MIGA2: variants seen among roughly 807,000 people sequenced by gnomAD.
The protein encoded by MIGA2 is mitoguardin 2.
In MIGA2, 36 loss-of-function variants were observed where a neutral mutation model predicts 69.9. That is an observed-to-expected ratio of 0.52 (90% CI 0.39 to 0.68). MIGA2 has a LOEUF of 0.68. MIGA2 is among the 30% of genes least tolerant of loss of function. The pLI, the probability that MIGA2 is intolerant of heterozygous loss-of-function variation, is 0.00. For synonymous variants in MIGA2, 333 were observed against 349.2 expected (o/e 0.95, Z 0.52); for missense variants, 660 against 787.7 (o/e 0.84, Z 1.94).
chr9:129,059,033 G>A lies in MIGA2; in HGVS notation c.676-121G>A. 1.3e-6 allele frequency: 1 copy of A among 780,506 alleles called. No homozygotes were observed. The highest frequency in any genetic ancestry group is 2.1e-6 in the Non-Finnish European group (1 of 474,236). 48.3% of individuals were successfully genotyped at this position (780,506 alleles called of 1,614,324 possible). On this transcript the variant is annotated intron_variant, in intron 6 of 15. Transcript: ENST00000684074. This position sits in a 1 kb window ranked among gnomAD's most constrained non-coding sequence, Gnocchi z 5.6. ...CGAGCAGTGAAGTTTTGGAGTTTATGTGCTTAGCTGCTGGGTCCTAGAGCT... is the reference window on the plus strand; with the variant it reads ...CGAGCAGTGAAGTTTTGGAGTTTATATGCTTAGCTGCTGGGTCCTAGAGCT...
intron 1 of MIGA2, chr9:129,036,915 G>A: frequency 1.0e-6 from 1 of 1,000,422 alleles, no homozygotes; most frequent in South Asian, 4.7e-5. Flanking sequence ...GAACGTGGCG[G>A]GGATTGGAGC....
rs1180943494 is a variant in MIGA2 at position 129,069,971 on chromosome 9, C to T, written c.1575+6C>T. The T allele has an allele frequency of 2.5e-6, 4 of 1,588,802 alleles. No homozygotes were observed. Among genetic ancestry groups the T allele is most frequent in the East Asian group, 2.2e-5 (1 of 44,674 alleles). On this transcript the variant is annotated splice_donor_region_variant and intron_variant, in intron 15 of 15. Coordinates refer to ENST00000684074, the MANE Select transcript of MIGA2 (RefSeq NM_001329990.2). The surrounding 1 kb of genome is among the most constrained non-coding windows in gnomAD (Gnocchi z 4.9). Reference sequence around the variant, plus strand: ...AAGTCTGTGCTTTCTTCAAGGTAAACAGAGAGCAGTTCTCGTTCTTTCCTG... The same window carrying T: ...AAGTCTGTGCTTTCTTCAAGGTAAATAGAGAGCAGTTCTCGTTCTTTCCTG...
rs1846593945 is a variant in MIGA2, at chr9:129,070,146, G to A, written c.1576-101G>A. The stretch of plus-strand genomic sequence containing the variant: ...GAGGAGCCTGGGGATGGAAAGGACC[G>A]GCTGGGGCTCTGGTGGTGGACAAGG... On this transcript the variant is annotated intron_variant, in intron 15 of 15. Transcript: ENST00000684074. 4.1e-5 allele frequency: 57 copies of A among 1,406,294 alleles called. 1 individual carries two copies. The South Asian group carries it at 6.9e-4, about 17-fold the overall frequency. 87.1% of individuals were successfully genotyped at this position (1,406,294 alleles called of 1,614,324 possible). A position where few individuals can be genotyped will look rare whatever the true frequency, so the allele number is the denominator to read the frequency against.
chr9:129,043,481 G>C (rs1289426681), intron 3 of MIGA2, among the ~76,000 whole-genome samples: 1 of 150,080 alleles, frequency 6.7e-6, no homozygotes, highest in African/African-American at 2.5e-5. Context: ...CGGCCTCTTA[G>C]GTTCAAGAGA....
At chr9:129,065,983 G>A (rs1283780595) in intron 11 of MIGA2, among the ~76,000 whole-genome samples, 3 of 152,204 alleles carry the variant, frequency 2.0e-5, no homozygotes, top group Non-Finnish European at 4.4e-5. Flanking sequence ...GCACAGATGT[G>A]TGCCCCATCC....
chr9:129,069,096 G>A lies in MIGA2; in HGVS notation c.1425G>A (p.Trp475Ter). The A allele has an allele frequency of 6.2e-7, 1 of 1,614,042 alleles. No individual in the cohort carries two copies. Among genetic ancestry groups the A allele is most frequent in the East Asian group, 2.2e-5 (1 of 44,876 alleles). Residue 475 changes from tryptophan to a stop codon, truncating the protein, a stop_gained, in exon 14 of 16, where the codon TGG becomes TGA. Transcript: ENST00000684074. LOFTEE classifies it high-confidence loss of function. The surrounding 1 kb of genome is among the most constrained non-coding windows in gnomAD (Gnocchi z 4.9). Reference sequence around the variant, plus strand: ...TGTAGGCCTTGGCCACTGCTTGCTGGTCGGTCCTGAAAGCCAAGAGGAGGC... The same window carrying A: ...TGTAGGCCTTGGCCACTGCTTGCTGATCGGTCCTGAAAGCCAAGAGGAGGC... The part of the protein sequence containing the change: ...FKETALATAC[W>*]SVLKAKRRLL...
At chr9:129,056,493 C>T (rs1845803593) in intron 6 of MIGA2, among the ~76,000 whole-genome samples, 1 of 151,380 alleles carries the variant, frequency 6.6e-6, no homozygotes, top group Admixed American at 6.6e-5. Context: ...GTAAGGGTAG[C>T]TTTTAGAATA....
chr9:129,040,255 CT>C (rs1262547502), intron 1 of MIGA2, among the ~76,000 whole-genome samples, 196 bp from the exon 2 acceptor site: 1 of 152,184 alleles, frequency 6.6e-6, no homozygotes, highest in Non-Finnish European at 1.5e-5. Context: ...CGCAGGGCCC[CT>C]GGTAGGCAGA....
intron 6 of MIGA2, among the ~76,000 whole-genome samples, chr9:129,056,575 G>C (rs1462816690): frequency 1.3e-5 from 2 of 151,018 alleles, no homozygotes; most frequent in Non-Finnish European, 2.9e-5. Flanking sequence ...CTGAAGTGCA[G>C]TGGCACAATC....
At position 129,069,738 on chromosome 9, in the gene MIGA2, G is replaced by C. The variant is rs974772862; in HGVS notation, c.1459-111G>C. On this transcript the variant is annotated intron_variant, in intron 14 of 15. Coordinates refer to ENST00000684074, the MANE Select transcript of MIGA2 (RefSeq NM_001329990.2). This position sits in a 1 kb window ranked among gnomAD's most constrained non-coding sequence, Gnocchi z 4.9. The stretch of plus-strand genomic sequence containing the variant: ...CTGCCCAGGGTCATCTAGCAGGAAA[G>C]TACATGAGCTGGGGCGACCTCTAAA... 5 of 789,714 alleles carry C rather than the reference G, an allele frequency of 6.3e-6. No individual in the cohort carries two copies. Among genetic ancestry groups the C allele is most frequent in the South Asian group, 1.4e-5 (1 of 73,990 alleles). The allele number at this position is 789,714 out of a possible 1,614,324, so 48.9% of individuals were successfully genotyped here.
intron 6 of MIGA2, among the ~76,000 whole-genome samples, chr9:129,050,845 A>C (rs1334514951): frequency 1.3e-5 from 2 of 151,304 alleles, no homozygotes; most frequent in East Asian, 3.9e-4. Flanking sequence ...TGGTGAGATT[A>C]CAGGTGTGAG....
intron 3 of MIGA2, among the ~76,000 whole-genome samples, chr9:129,045,583 C>T (rs1845177129): frequency 6.6e-6 from 1 of 151,046 alleles, no homozygotes; most frequent in Non-Finnish European, 1.5e-5. Context: ...CATAGAGAGA[C>T]CCTGTCTCTA....
rs1845998385 is a variant in MIGA2, at chr9:129,060,303, G to T, written c.794-247G>T. Among the ~76,000 whole-genome samples, 1 of 152,216 alleles carries T rather than the reference G, an allele frequency of 6.6e-6. No individual in the cohort carries two copies. The highest frequency in any genetic ancestry group is 2.4e-5 in the African/African-American group (1 of 41,470). ...TGGCAGAGCCGCTCACCAGCCGAGGGCTCACACCTGAGGCTGACGACCTCC... is the reference window on the plus strand; with the variant it reads ...TGGCAGAGCCGCTCACCAGCCGAGGTCTCACACCTGAGGCTGACGACCTCC... On this transcript the variant is annotated intron_variant, in intron 7 of 15. Coordinates refer to ENST00000684074, the MANE Select transcript of MIGA2 (RefSeq NM_001329990.2). The surrounding 1 kb of genome is among the most constrained non-coding windows in gnomAD (Gnocchi z 4.8).
chr9:129,060,491 T>C lies in MIGA2; in HGVS notation c.794-59T>C. The C allele has an allele frequency of 2.2e-6, 3 of 1,381,512 alleles. No individual in the cohort carries two copies. The South Asian group carries it at 3.9e-5, about 18-fold the overall frequency. 85.6% of individuals were successfully genotyped at this position (1,381,512 alleles called of 1,614,324 possible). ...TGATGGGGGACTTCGTGTACCGGGA[T>C]TCCAGCTGAGCACTGTGTGGGGAGT... On this transcript the variant is annotated intron_variant, in intron 7 of 15. Coordinates refer to ENST00000684074, the MANE Select transcript of MIGA2 (RefSeq NM_001329990.2). The surrounding 1 kb of genome is among the most constrained non-coding windows in gnomAD (Gnocchi z 4.8).
In MIGA2 at chr9:129,049,966, A is replaced by C; in HGVS notation, c.675+3A>C. On this transcript the variant is annotated splice_donor_region_variant and intron_variant, in intron 6 of 15. Transcript: ENST00000684074. ...CTGCATCAGAGCCACTGTCTGAGGTAGGTGGTCTTCTGCATCCCCCTACGC... is the reference window on the plus strand; with the variant it reads ...CTGCATCAGAGCCACTGTCTGAGGTCGGTGGTCTTCTGCATCCCCCTACGC... The C allele has an allele frequency of 1.2e-6, 2 of 1,610,520 alleles. No homozygotes were observed. Among genetic ancestry groups the C allele is most frequent in the Non-Finnish European group, 8.5e-7 (1 of 1,178,480 alleles).
Position 129,069,998 on chromosome 9 carries a change from C to A in MIGA2, c.1575+33C>A. On this transcript the variant is annotated intron_variant, in intron 15 of 15. Transcript: ENST00000684074. This position sits in a 1 kb window ranked among gnomAD's most constrained non-coding sequence, Gnocchi z 4.9. ...GAGAGCAGTTCTCGTTCTTTCCTGA[C>A]CCTTGCCCTGAGCACAGGCGCCCTG... 6.6e-7 allele frequency: 1 copy of A among 1,522,606 alleles called. No homozygotes were observed. The highest frequency in any genetic ancestry group is 8.9e-7 in the Non-Finnish European group (1 of 1,121,308). The allele number at this position is 1,522,606 out of a possible 1,614,324, so 94.3% of individuals were successfully genotyped here.
chr9:129,061,332 T>C lies in MIGA2; in HGVS notation c.996T>C (p.Pro332=), dbSNP rs12685995. ...ALQLVKEGRV[P]CRTLRTELLG... ...AGCTGGTGAAGGAGGGGAGAGTGCC[T>C]TGCCGGACCCTCAGGTGAGCAGGTG... is the stretch of plus-strand genomic sequence containing the variant. Residue 332 remains proline, a synonymous_variant, in exon 9 of 16, where the codon CCT becomes CCC. Transcript: ENST00000684074. The surrounding 1 kb of genome is among the most constrained non-coding windows in gnomAD (Gnocchi z 5.0). The C allele has an allele frequency of 0.018, 28,604 of 1,611,166 alleles. 913 individuals carry two copies. Among genetic ancestry groups the C allele is most frequent in the South Asian group, 0.091 (8,278 of 90,584 alleles).
At chr9:129,038,108 G>A (rs566651895) in intron 1 of MIGA2, among the ~76,000 whole-genome samples, 2 of 152,256 alleles carry the variant, frequency 1.3e-5, no homozygotes, top group East Asian at 3.9e-4. Context: ...AAGGGTAGGG[G>A]GACGTGGCTT....
chr9:129,042,787 G>A (rs1264300639), intron 3 of MIGA2, among the ~76,000 whole-genome samples: 1 of 152,124 alleles, frequency 6.6e-6, no homozygotes, highest in Non-Finnish European at 1.5e-5. Flanking sequence ...GGTCAGAGGG[G>A]GTCGGGGATG....
Sources: allele counts gnomAD v4.1 joint callset (sites outside exome capture counted in the v4.1 genomes callset), GRCh38; gene constraint gnomAD v4.1.1; non-coding constraint Gnocchi (gnomAD v3.1); transcripts MANE v1.5; gene names NCBI Gene and HGNC (gene_info 2026-07-23, HGNC 2026-07-21).